The following EPHA5 variants were observed in gnomAD, a reference collection of about 807,000 sequenced individuals.
EPHA5 encodes EPH receptor A5.
In EPHA5, 60 loss-of-function variants were observed where a neutral mutation model predicts 105.0. That is an observed-to-expected ratio of 0.57 (90% CI 0.46 to 0.71). The LOEUF (loss-of-function observed/expected upper bound fraction) is 0.71, where lower values mean the gene tolerates loss of function less well. EPHA5 is among the 30% of genes least tolerant of loss of function. EPHA5 has a pLI of 0.00. For synonymous variants in EPHA5, 513 were observed against 449.1 expected, an observed-to-expected ratio of 1.14 and a Z score of -1.80; for missense variants, 1,218 against 1,274.7, an observed-to-expected ratio of 0.96 and a Z score of 0.68.
intron 3 of EPHA5, among the ~76,000 whole-genome samples, chr4:65,600,012 C>T (rs1390937274): frequency 6.6e-6 from 1 of 152,046 alleles, no homozygotes; most frequent in Non-Finnish European, 1.5e-5. Context: ...ATTAAGTGCT[C>T]ACATATTCTC....
At chr4:65,478,299 A>C (rs1035720044) in intron 5 of EPHA5, among the ~76,000 whole-genome samples, 1 of 152,222 alleles carries the variant, frequency 6.6e-6, no homozygotes, top group African/African-American at 2.4e-5. Flanking sequence ...CATTCATCTC[A>C]TATCTGTCCT....
chr4:65,549,943 C>T (rs1737738557), intron 3 of EPHA5, among the ~76,000 whole-genome samples: 1 of 152,058 alleles, frequency 6.6e-6, no homozygotes, highest in African/African-American at 2.4e-5. Flanking sequence ...CAAAAGCACA[C>T]TTTACATTCA....
At chr4:65,619,514 C>A (rs555966271) in intron 2 of EPHA5, among the ~76,000 whole-genome samples, 1 of 152,094 alleles carries the variant, frequency 6.6e-6, no homozygotes, top group South Asian at 2.1e-4. Flanking sequence ...ACTACAAAAC[C>A]TGTATATTGA....
intron 8 of EPHA5, among the ~76,000 whole-genome samples, chr4:65,382,417 C>A (rs1008934498): frequency 4.0e-5 from 6 of 151,520 alleles, no homozygotes; most frequent in African/African-American, 1.5e-4. Context: ...GGAATTGATT[C>A]AATTAGCAAA....
At chr4:65,617,215 C>T (rs1745318246) in intron 2 of EPHA5, among the ~76,000 whole-genome samples, 2 of 152,044 alleles carry the variant, frequency 1.3e-5, no homozygotes, top group Admixed American at 6.6e-5. Flanking sequence ...ATCCTGTTTA[C>T]TCCTCTTACA....
intron 3 of EPHA5, among the ~76,000 whole-genome samples, chr4:65,548,609 A>G (rs991698564): frequency 1.3e-5 from 2 of 152,128 alleles, no homozygotes; most frequent in Non-Finnish European, 2.9e-5. Context: ...ATAAAGCAAT[A>G]CACTTTGGAA....
At chr4:65,373,377 C>G (rs549174176) in intron 8 of EPHA5, among the ~76,000 whole-genome samples, 7 of 151,740 alleles carry the variant, frequency 4.6e-5, no homozygotes, top group African/African-American at 1.7e-4. Flanking sequence ...ATGCCACTTT[C>G]GTGCTGTATA....
intron 2 of EPHA5, among the ~76,000 whole-genome samples, chr4:65,614,375 A>G (rs1745040514): frequency 1.3e-5 from 2 of 151,860 alleles, no homozygotes; most frequent in African/African-American, 4.8e-5. Flanking sequence ...AAAGAAACAG[A>G]ATGTTTTAAC....
At chr4:65,635,111 C>T (rs1184950176) in intron 2 of EPHA5, among the ~76,000 whole-genome samples, 8 of 151,606 alleles carry the variant, frequency 5.3e-5, no homozygotes, top group Admixed American at 3.3e-4. Flanking sequence ...TGAGTAAAAA[C>T]CTGAGTTATT....
intron 2 of EPHA5, among the ~76,000 whole-genome samples, chr4:65,603,773 T>A (rs1743965061): frequency 6.6e-6 from 1 of 152,152 alleles, no homozygotes; most frequent in African/African-American, 2.4e-5. Flanking sequence ...GTTCTTTCAC[T>A]AAATCTCATT....
chr4:65,457,601 A>C lies in EPHA5; in HGVS notation c.1402+32776T>G, dbSNP rs556113361. Among the ~76,000 whole-genome samples, 114 of 151,746 alleles carry C rather than the reference A, an allele frequency of 7.5e-4. 1 individual carries two copies. Among genetic ancestry groups the C allele is most frequent in the Non-Finnish European group, 8.4e-4 (57 of 67,942 alleles). On this transcript the variant is annotated intron_variant, in intron 5 of 16. Coordinates refer to ENST00000613740, the MANE Select transcript of EPHA5 (RefSeq NM_001281766.3). ...CAAGAACTCAAAATTTGAAATAAAT[A>C]CTTTTTCTATATATATAATTATTTC...
Position 65,391,821 on chromosome 4 carries a change from T to G in EPHA5, c.1793+12553A>C, listed in dbSNP as rs1345182333. On this transcript the variant is annotated intron_variant, in intron 8 of 16. Transcript: ENST00000613740. ...TGCTCTTGTGGTTAGGCTTTTGACC[T>G]GCCCTTTGCTTCATACTAGGTGAAA... 5.9e-5 allele frequency among the ~76,000 whole-genome samples: 9 copies of G among 152,282 alleles called. No individual in the cohort carries two copies. In the East Asian group the frequency reaches 1.7e-3, roughly 29 times the overall value.
At chr4:65,497,087 A>AGTGAG (rs1732019681) in intron 3 of EPHA5, among the ~76,000 whole-genome samples, 1 of 152,130 alleles carries the variant, frequency 6.6e-6, no homozygotes, top group Admixed American at 6.6e-5. Flanking sequence ...TGATGGTTTG[A>AGTGAG]GTGCTTTGTA....
intron 16 of EPHA5, among the ~76,000 whole-genome samples, chr4:65,327,486 T>C (rs1221396024): frequency 1.3e-5 from 2 of 151,246 alleles, no homozygotes; most frequent in Non-Finnish European, 1.5e-5. Context: ...TTTTAAGTAC[T>C]GCCACAAATG....
intron 3 of EPHA5, among the ~76,000 whole-genome samples, chr4:65,509,716 T>C (rs1733412469): frequency 6.6e-6 from 1 of 152,196 alleles, no homozygotes; most frequent in Non-Finnish European, 1.5e-5. Flanking sequence ...GCCACATTAA[T>C]AAAGCAAACT....
At chr4:65,661,736 G>A (rs1174579516) in intron 1 of EPHA5, among the ~76,000 whole-genome samples, 1 of 152,128 alleles carries the variant, frequency 6.6e-6, no homozygotes, top group Non-Finnish European at 1.5e-5. Context: ...GGACTGATGG[G>A]CTGAACTGGT....
intron 6 of EPHA5, among the ~76,000 whole-genome samples, chr4:65,417,186 A>G (rs910338302): frequency 2.0e-5 from 3 of 152,170 alleles, no homozygotes; most frequent in East Asian, 1.9e-4. Flanking sequence ...GAGAAGCCCA[A>G]TGACCTCTAT....
intron 5 of EPHA5, among the ~76,000 whole-genome samples, chr4:65,422,026 C>T (rs1357331221): frequency 6.6e-6 from 1 of 152,026 alleles, no homozygotes; most frequent in African/African-American, 2.4e-5. Flanking sequence ...ACAGAAACAG[C>T]CTAAGGTGGA....
intron 3 of EPHA5, among the ~76,000 whole-genome samples, chr4:65,566,227 G>A (rs1378096102): frequency 2.0e-5 from 3 of 151,722 alleles, no homozygotes; most frequent in Non-Finnish European, 3.0e-5. Flanking sequence ...AAGATGTTCA[G>A]TGTACATGTC....
Sources: allele counts gnomAD v4.1 joint callset (sites outside exome capture counted in the v4.1 genomes callset), GRCh38; gene constraint gnomAD v4.1.1; transcripts MANE v1.5; gene names NCBI Gene and HGNC (gene_info 2026-07-23, HGNC 2026-07-21).